ANO3: variants seen among roughly 807,000 people sequenced by gnomAD.
The protein encoded by ANO3 is anoctamin 3, also known as anoctamin-3.
In ANO3, 99 loss-of-function variants were observed where a neutral mutation model predicts 144.8. The ratio of observed to expected loss-of-function variants is 0.68; its 90% CI spans 0.58 to 0.81. The LOEUF (loss-of-function observed/expected upper bound fraction) is 0.81. Ranked by LOEUF, ANO3 falls within the 30% of genes least tolerant of loss-of-function variation. The pLI, the probability that ANO3 is intolerant of heterozygous loss-of-function variation, is 0.00. For synonymous variants in ANO3, 414 were observed against 392.6 expected (o/e 1.05, Z -0.64); for missense variants, 905 against 1,202.2 (o/e 0.75, Z 3.66).
intron 1 of ANO3, among the ~76,000 whole-genome samples, chr11:26,316,355 A>C (rs538357493): frequency 6.6e-6 from 1 of 152,310 alleles, no homozygotes; most frequent in East Asian, 1.9e-4. Context: ...TTATGAGGTG[A>C]GATGGTCCCA....
intron 4 of ANO3, among the ~76,000 whole-genome samples, chr11:26,467,200 T>C (rs1204612928): frequency 6.6e-6 from 1 of 151,952 alleles, no homozygotes; most frequent in East Asian, 1.9e-4. Context: ...TTATGAGGTA[T>C]ATGGGATATA....
intron 1 of ANO3, among the ~76,000 whole-genome samples, chr11:26,350,538 T>C (rs1259330573): frequency 1.3e-5 from 2 of 152,198 alleles, no homozygotes; most frequent in Non-Finnish European, 2.9e-5. Context: ...AGATTCTGAC[T>C]TTAATCTATT....
intron 4 of ANO3, among the ~76,000 whole-genome samples, chr11:26,478,311 A>G (rs1860064875): frequency 6.6e-6 from 1 of 152,190 alleles, no homozygotes. Flanking sequence ...GCACTAAAAC[A>G]AGATGAAAAC....
At chr11:26,283,488 A>G (rs546792773) in intron 1 of ANO3, among the ~76,000 whole-genome samples, 21 of 151,558 alleles carry the variant, frequency 1.4e-4, no homozygotes, top group African/African-American at 4.3e-4. Flanking sequence ...CTATTGGTTA[A>G]TTATGTAAAA....
intron 1 of ANO3, among the ~76,000 whole-genome samples, chr11:26,349,790 C>A (rs1855591334): frequency 6.6e-6 from 1 of 151,994 alleles, no homozygotes; most frequent in Admixed American, 6.6e-5. Context: ...CCTCGTGATC[C>A]GCCCGCCTCG....
At position 26,549,500 on chromosome 11, in the gene ANO3, T is replaced by C. The variant is rs188906873; in HGVS notation, c.1289+1950T>C. ...ATAATTTTATTAAACTCTTTTTTGC[T>C]TGTTGCAGGGTAGAAAAATGTTCCA... is the stretch of plus-strand genomic sequence containing the variant. On this transcript the variant is annotated intron_variant, in intron 12 of 26. Transcript: ENST00000256737. Among the ~76,000 whole-genome samples the C allele has an allele frequency of 2.8e-3, 423 of 152,086 alleles. 1 individual carries two copies. The highest frequency in any genetic ancestry group is 4.3e-3 in the Admixed American group (66 of 15,238).
chr11:26,555,272 A>G (rs1466312786), intron 13 of ANO3, among the ~76,000 whole-genome samples: 4 of 152,196 alleles, frequency 2.6e-5, no homozygotes, highest in African/African-American at 7.2e-5. Flanking sequence ...TATTAGATGT[A>G]TACACATATG....
chr11:26,534,305 A>T (rs1462749202), intron 8 of ANO3, 151 bp from the exon 9 acceptor site: 2 of 546,746 alleles, frequency 3.7e-6, no homozygotes, highest in South Asian at 5.8e-5. Context: ...ATTATTTATG[A>T]ATTCTTTTTC....
intron 1 of ANO3, among the ~76,000 whole-genome samples, chr11:26,317,758 GTA>G (rs1854660498): frequency 1.3e-5 from 2 of 152,250 alleles, no homozygotes; most frequent in African/African-American, 4.8e-5. Context: ...CCATTACTGG[GTA>G]TATACCCAAA....
At chr11:26,575,068 T>C (rs1039095003) in intron 14 of ANO3, among the ~76,000 whole-genome samples, 1 of 152,080 alleles carries the variant, frequency 6.6e-6, no homozygotes, top group African/African-American at 2.4e-5. Context: ...ACCTGTTGCA[T>C]TTCTATCTAT....
chr11:26,302,328 T>G (rs1049003097), intron 1 of ANO3, among the ~76,000 whole-genome samples: 20 of 151,918 alleles, frequency 1.3e-4, no homozygotes, highest in African/African-American at 4.1e-4. Context: ...AACCCCGTCT[T>G]TACTAAAAAT....
At chr11:26,517,822 G>A (rs974525684) in intron 6 of ANO3, among the ~76,000 whole-genome samples, 6 of 152,164 alleles carry the variant, frequency 3.9e-5, no homozygotes, top group African/African-American at 1.2e-4. Context: ...AGTATTCAAC[G>A]TAAAATGTGA....
intron 1 of ANO3, among the ~76,000 whole-genome samples, chr11:26,293,476 G>A (rs529700547): frequency 7.3e-6 from 1 of 137,704 alleles, no homozygotes; most frequent in African/African-American, 2.7e-5. Context: ...TATGCTTCTG[G>A]AAATTTTGAT....
intron 3 of ANO3, among the ~76,000 whole-genome samples, chr11:26,446,612 A>AT (rs1312714092): frequency 6.6e-6 from 1 of 151,988 alleles, no homozygotes; most frequent in African/African-American, 2.4e-5. Flanking sequence ...AAAAAATGTT[A>AT]TTTTTCCAGC....
intron 2 of ANO3, among the ~76,000 whole-genome samples, chr11:26,442,860 G>T (rs1011824358): frequency 6.6e-6 from 1 of 152,062 alleles, no homozygotes; most frequent in Non-Finnish European, 1.5e-5. Context: ...TCTGCCTCCC[G>T]GGTTCAAGTG....
rs543033023 is a variant in ANO3, at chr11:26,480,430, A to G, written c.432+17282A>G. On this transcript the variant is annotated intron_variant, in intron 4 of 26. Coordinates refer to ENST00000256737, the MANE Select transcript of ANO3 (RefSeq NM_031418.4). Reference sequence around the variant, plus strand: ...GCCAGTTTTTTTTGTTTGTTTGTTTATGAAACAACATGTTCGGCTGTGGTC... The same window carrying G: ...GCCAGTTTTTTTTGTTTGTTTGTTTGTGAAACAACATGTTCGGCTGTGGTC... Among the ~76,000 whole-genome samples the G allele has an allele frequency of 1.3e-5, 2 of 152,284 alleles. 1 individual carries two copies. The highest frequency in any genetic ancestry group is 1.3e-4 in the Admixed American group (2 of 15,288).
chr11:26,515,358 G>A (rs772216141), intron 5 of ANO3, among the ~76,000 whole-genome samples: 6 of 150,974 alleles, frequency 4.0e-5, no homozygotes, highest in Non-Finnish European at 7.4e-5. Flanking sequence ...TTTAGCAAAT[G>A]CATGCATATT....
intron 1 of ANO3, among the ~76,000 whole-genome samples, chr11:26,337,550 T>C (rs1855225242): frequency 1.3e-5 from 2 of 152,318 alleles, no homozygotes; most frequent in South Asian, 4.1e-4. Context: ...AGTTGATGAT[T>C]ATATAAACCA....
intron 7 of ANO3, among the ~76,000 whole-genome samples, chr11:26,527,600 G>A (rs1319946068): frequency 6.6e-6 from 1 of 152,038 alleles, no homozygotes; most frequent in African/African-American, 2.4e-5. Context: ...TTTCACTTGT[G>A]CTTCTCTTTT....
Sources: allele counts gnomAD v4.1 joint callset (sites outside exome capture counted in the v4.1 genomes callset), GRCh38; gene constraint gnomAD v4.1.1; transcripts MANE v1.5; gene names NCBI Gene and HGNC (gene_info 2026-07-23, HGNC 2026-07-21).